The following SREBF1 variants were observed in gnomAD, a reference collection of about 807,000 sequenced individuals.
SREBF1 encodes sterol regulatory element-binding protein 1.
A neutral mutation model predicts 100.1 loss-of-function variants in SREBF1; 45 were observed. The ratio of observed to expected loss-of-function variants is 0.45; its 90% CI spans 0.35 to 0.58. SREBF1 has a LOEUF of 0.58. SREBF1 is among the 20% of genes least tolerant of loss of function. SREBF1 has a pLI of 0.00. For missense variants in SREBF1, 1,324 were observed against 1,539.4 expected (o/e 0.86, Z 2.34); for synonymous variants, 657 against 681.8 (o/e 0.96, Z 0.57).
chr17:17,819,901 G>A, intron 2 of SREBF1, 176 bp from the exon 3 acceptor site: 2 of 1,179,960 alleles, frequency 1.7e-6, no homozygotes, highest in East Asian at 5.2e-5. Flanking sequence ...CAGGCCTCCA[G>A]TGCGAGGTTG....
rs1021714406 is a variant in SREBF1 at position 17,824,064 on chromosome 17, T to G, written c.92-3543A>C. On this transcript the variant is annotated intron_variant, in intron 1 of 18. Transcript: ENST00000261646. This position sits in a 1 kb window ranked among gnomAD's most constrained non-coding sequence, Gnocchi z 4.2. ...GGCACCCTGAGCGAGCCTTAACCGC[T>G]CCAACCCTCCGTTTACTCCTCCAGA... Among the ~76,000 whole-genome samples the G allele has an allele frequency of 2.0e-5, 3 of 152,086 alleles. No individual in the cohort carries two copies. Among genetic ancestry groups the G allele is most frequent in the African/African-American group, 2.4e-5 (1 of 41,368 alleles).
chr17:17,814,579 C>T, intron 15 of SREBF1, 36 bp downstream of exon 15: 1 of 1,536,968 alleles, frequency 6.5e-7, no homozygotes, highest in South Asian at 1.2e-5. Context: ...AAGGCTGAGC[C>T]CGGGACCAGG....
At chr17:17,831,125 A>G (rs2143142122) in intron 1 of SREBF1, among the ~76,000 whole-genome samples, 2 of 37,810 alleles carry the variant, frequency 5.3e-5, no homozygotes, top group East Asian at 4.5e-4. Context: ...CTAGGGAGCC[A>G]TGAATGGTTG....
chr17:17,821,152 T>TACACACACACACACACACACACACAC (rs60948138), intron 1 of SREBF1, among the ~76,000 whole-genome samples: 1 of 149,382 alleles, frequency 6.7e-6, no homozygotes, highest in Non-Finnish European at 1.5e-5. Context: ...TCCACACACA[T>TACACACACACACACACACACACACAC]ACACACACAC....
At chr17:17,816,070 G>A (rs896583733) in intron 11 of SREBF1, 42 bp from the exon 12 acceptor site, 1 of 1,603,968 alleles carries the variant, frequency 6.2e-7, no homozygotes, top group African/African-American at 1.3e-5. Context: ...GACACAGCCT[G>A]GGGCCAGACC....
chr17:17,830,875 A>G (rs2034817040), intron 1 of SREBF1, among the ~76,000 whole-genome samples: 1 of 152,204 alleles, frequency 6.6e-6, no homozygotes, highest in Admixed American at 6.5e-5. Context: ...GTCAGTGCCC[A>G]GGGTCAAAAG....
rs554989823 is a variant in SREBF1, at chr17:17,811,591, C to T, written c.*1031G>A. The T allele has an allele frequency of 3.8e-5, 15 of 389,814 alleles. No homozygotes were observed. In the East Asian group the frequency reaches 9.9e-4, roughly 26 times the overall value. The allele number at this position is 389,814 out of a possible 1,614,324, so 24.1% of individuals were successfully genotyped here. A position where few individuals can be genotyped will look rare whatever the true frequency, so the allele number is the denominator to read the frequency against. On this transcript the variant is annotated 3_prime_UTR_variant, in exon 19 of 19. Transcript: ENST00000261646. ...GTCGGCCTTTCACAGAACAGGAAACCTCCCCCGCCCCTGTGCCCCCTCTCC... is the reference window on the plus strand; with the variant it reads ...GTCGGCCTTTCACAGAACAGGAAACTTCCCCCGCCCCTGTGCCCCCTCTCC...
At chr17:17,828,401 A>G (rs1263514233) in intron 1 of SREBF1, among the ~76,000 whole-genome samples, 2 of 151,988 alleles carry the variant, frequency 1.3e-5, no homozygotes, top group Non-Finnish European at 2.9e-5. Context: ...CCTCCTCCCC[A>G]CTAGGCTCTT....
intron 18 of SREBF1, 199 bp from the exon 19 acceptor site, chr17:17,813,050 C>T: frequency 4.9e-6 from 3 of 606,808 alleles, no homozygotes; most frequent in Non-Finnish European, 8.7e-6. Context: ...CACGTGCAGT[C>T]ATGTATCCCA....
At chr17:17,818,185 G>T in intron 6 of SREBF1, 75 bp downstream of exon 6, 1 of 1,206,728 alleles carries the variant, frequency 8.3e-7, no homozygotes, top group Non-Finnish European at 1.2e-6. Flanking sequence ...GTGGGGCTAG[G>T]GATGGGGTGG....
chr17:17,823,580 G>A (rs1467406085), intron 1 of SREBF1: 3 of 1,613,196 alleles, frequency 1.9e-6, no homozygotes, highest in Non-Finnish European at 2.5e-6. Flanking sequence ...CAGGCCGTTG[G>A]CCCTACCCCT....
At chr17:17,822,037 AG>A (rs1489710199) in intron 1 of SREBF1, among the ~76,000 whole-genome samples, 2 of 152,240 alleles carry the variant, frequency 1.3e-5, no homozygotes, top group Non-Finnish European at 2.9e-5. Flanking sequence ...AACTGAGTCC[AG>A]ACCCTATTTT....
rs780021688 is a variant in SREBF1 at position 17,815,944 on chromosome 17, C to A, written c.2299G>T (p.Val767Leu). 6.2e-7 allele frequency: 1 copy of A among 1,612,898 alleles called. No individual in the cohort carries two copies. The highest frequency in any genetic ancestry group is 8.5e-7 in the Non-Finnish European group (1 of 1,179,924). The change falls in exon 12 of 19, where the codon GTG (valine) becomes TTG (leucine). Residue 767 changes from valine (V) to leucine (L), a missense_variant. By Grantham distance (32) the Val-to-Leu change is conservative. Coordinates refer to ENST00000261646, the MANE Select transcript of SREBF1 (RefSeq NM_004176.5). ...PPAMQWLCHP[V>L]GHRFFVDGDW... The stretch of plus-strand genomic sequence containing the variant: ...CCATCCACGAAGAAACGGTGGCCCA[C>A]GGGGTGGCAGAGCCACTGCATGGCA...
At chr17:17,831,832 A>T (rs922669777) in intron 1 of SREBF1, among the ~76,000 whole-genome samples, 1 of 152,202 alleles carries the variant, frequency 6.6e-6, no homozygotes, top group African/African-American at 2.4e-5. Flanking sequence ...CCACAGATGC[A>T]AGGACTCATG....
intron 1 of SREBF1, among the ~76,000 whole-genome samples, chr17:17,821,908 C>T (rs572007557): frequency 2.2e-4 from 34 of 152,360 alleles, no homozygotes; most frequent in African/African-American, 8.2e-4. Context: ...CAGGCTAGAC[C>T]CCTAATCCTC....
chr17:17,812,999 C>T, intron 18 of SREBF1, 148 bp from the exon 19 acceptor site: 1 of 684,142 alleles, frequency 1.5e-6, no homozygotes, highest in Non-Finnish European at 2.4e-6. Context: ...TCTCCCCACC[C>T]TAGTCTCAGC....
chr17:17,830,444 T>C (rs902609872), intron 1 of SREBF1, among the ~76,000 whole-genome samples: 1 of 152,270 alleles, frequency 6.6e-6, no homozygotes, highest in Non-Finnish European at 1.5e-5. Flanking sequence ...CTTTTAGTAC[T>C]GCTCCCTTTA....
intron 1 of SREBF1, among the ~76,000 whole-genome samples, chr17:17,823,914 C>G (rs1345886547): frequency 6.6e-6 from 1 of 152,084 alleles, no homozygotes; most frequent in African/African-American, 2.4e-5. Flanking sequence ...CCGCTCGGTG[C>G]CAGCGTCTGC....
Position 17,829,208 on chromosome 17 carries a change from ATATATATAT to A in SREBF1, c.91+7510_91+7518del, listed in dbSNP as rs1567989739. On this transcript the variant is annotated intron_variant, in intron 1 of 18. Coordinates refer to ENST00000261646, the MANE Select transcript of SREBF1 (RefSeq NM_004176.5). ...CTCCATCTTAAAAAAAAAAAAAAAT[ATATATATAT>A]ATATATATATATATATATGTATACA... is the stretch of plus-strand genomic sequence containing the variant. Among the ~76,000 whole-genome samples, 122 of 95,436 alleles carry A rather than the reference ATATATATAT, an allele frequency of 1.3e-3. 6 individuals are homozygous for A. Among genetic ancestry groups the A allele is most frequent in the African/African-American group, 5.7e-3 (81 of 14,312 alleles). 62.6% of individuals were successfully genotyped at this position (95,436 alleles called of 152,430 possible).
Sources: gnomAD v4.1 joint callset for allele counts (sites outside exome capture counted in the v4.1 genomes callset) on GRCh38, gnomAD v4.1.1 for gene constraint, Gnocchi (gnomAD v3.1) non-coding constraint, MANE v1.5 for transcripts, NCBI Gene and HGNC (gene_info 2026-07-23, HGNC 2026-07-21) for gene names.